SASH1: variants seen among roughly 807,000 people sequenced by gnomAD.
The protein encoded by SASH1 is SAM and SH3 domain containing 1, also known as SAM and SH3 domain-containing protein 1.
A neutral mutation model predicts 125.2 loss-of-function variants in SASH1; 44 were observed. The ratio of observed to expected loss-of-function variants is 0.35; its 90% confidence interval spans 0.28 to 0.45. SASH1 has a LOEUF of 0.45. Among genes scored for constraint, SASH1 ranks in the 20% least tolerant of loss-of-function variants. SASH1 has a pLI of 1.00. For synonymous variants in SASH1, 639 were observed against 649.1 expected, an observed-to-expected ratio of 0.98 and a Z score of 0.24; for missense variants, 1,426 against 1,614.5, an observed-to-expected ratio of 0.88 and a Z score of 2.00.
intron 2 of SASH1, among the ~76,000 whole-genome samples, chr6:148,401,344 G>A (rs1298289010): frequency 6.6e-6 from 1 of 151,952 alleles, no homozygotes; most frequent in Non-Finnish European, 1.5e-5. Context: ...AGCTCATGGG[G>A]TAACTTTGGA....
chr6:148,238,477 G>A, the SASH1 span, among the ~76,000 whole-genome samples: 1 of 152,098 alleles, frequency 6.6e-6, no homozygotes, highest in South Asian at 2.1e-4. Flanking sequence ...ACCTGCCTCA[G>A]CCTCCCAAAG....
chr6:148,456,873 C>CAATAATAATAATAATAATAAT (rs56067798), intron 4 of SASH1, among the ~76,000 whole-genome samples: 4,962 of 142,224 alleles, frequency 0.035, 124 homozygotes, highest in Middle Eastern at 0.072. Flanking sequence ...TGTCTCATAA[C>CAATAATAATAATAATAATAAT]AATAATAATA....
At chr6:148,361,847 G>C (rs1583022888) in intron 1 of SASH1, among the ~76,000 whole-genome samples, 2 of 151,944 alleles carry the variant, frequency 1.3e-5, no homozygotes, top group Admixed American at 6.6e-5. Context: ...CAACAGGAGA[G>C]ACAGAGACAG....
the SASH1 span, among the ~76,000 whole-genome samples, chr6:148,265,291 T>C: frequency 1.0e-3 from 110 of 106,854 alleles, no homozygotes; most frequent in African/African-American, 3.8e-3. Context: ...GCCTAGGTGA[T>C]AAAACAAGAC....
chr6:148,477,474 T>C (rs761841642), intron 7 of SASH1, among the ~76,000 whole-genome samples: 1 of 152,158 alleles, frequency 6.6e-6, no homozygotes, highest in African/African-American at 2.4e-5. Flanking sequence ...CTCAACATTA[T>C]TGGTCATCAG....
intron 4 of SASH1, among the ~76,000 whole-genome samples, chr6:148,442,765 T>C (rs1435936253): frequency 1.3e-5 from 2 of 152,086 alleles, no homozygotes; most frequent in Non-Finnish European, 2.9e-5. Context: ...TTCTTTTCTT[T>C]TCTTTTTTAT....
chr6:148,380,102 G>A (rs1783075683), intron 1 of SASH1, among the ~76,000 whole-genome samples: 1 of 152,190 alleles, frequency 6.6e-6, no homozygotes, highest in African/African-American at 2.4e-5. Flanking sequence ...AGGGTTACCA[G>A]CGTCATGCCT....
intron 2 of SASH1, among the ~76,000 whole-genome samples, chr6:148,401,252 T>C (rs1393399419): frequency 7.1e-6 from 1 of 140,570 alleles, no homozygotes. Context: ...AGACCCTATC[T>C]CAAAAAAAAA....
At chr6:148,512,246 C>T (rs955778885) in intron 8 of SASH1, among the ~76,000 whole-genome samples, 10 of 152,272 alleles carry the variant, frequency 6.6e-5, no homozygotes, top group African/African-American at 2.4e-4. Context: ...TCTCAATCAC[C>T]TGACCTCGTG....
intron 4 of SASH1, among the ~76,000 whole-genome samples, chr6:148,447,725 C>T (rs367997423): frequency 2.1e-5 from 2 of 96,818 alleles, no homozygotes; most frequent in African/African-American, 3.3e-5. Context: ...TCCTCCTCAT[C>T]CTCCTCCTCC....
chr6:148,390,241 G>T lies in SASH1; in HGVS notation c.264G>T (p.Arg88=). 6.2e-7 allele frequency: 1 copy of T among 1,611,938 alleles called. No homozygotes were observed. Residue 88 remains arginine, a synonymous_variant, in exon 2 of 20, where the codon CGG becomes CGT. Transcript: ENST00000367467. The part of the protein sequence containing the change: ...CERMEELRKR[R]VSQDLEVEKP... Reference sequence around the variant, plus strand: ...GGATGGAGGAGCTGCGGAAACGGCGGGTTTCCCAGGACCTGGAAGTGGTGA... The same window carrying T: ...GGATGGAGGAGCTGCGGAAACGGCGTGTTTCCCAGGACCTGGAAGTGGTGA...
At chr6:148,421,217 A>AAAGAAAG (rs1562396981) in intron 2 of SASH1, among the ~76,000 whole-genome samples, 4 of 146,750 alleles carry the variant, frequency 2.7e-5, no homozygotes, top group Non-Finnish European at 4.6e-5. Context: ...AAGAAAGAAA[A>AAAGAAAG]AGAAAGAAAG....
At chr6:148,387,668 CTTTCTTTCTTTCTTTCTTT>C (rs1783518790) in intron 1 of SASH1, among the ~76,000 whole-genome samples, 1 of 72,854 alleles carries the variant, frequency 1.4e-5, no homozygotes, top group Non-Finnish European at 2.5e-5. Flanking sequence ...TTCTTTCTTT[CTTTCTTTCTTTCTTTCTTT>C]CTTTCGGCAT....
At chr6:148,324,619 A>G (rs1780748240) in intron 1 of SASH1, among the ~76,000 whole-genome samples, 1 of 152,216 alleles carries the variant, frequency 6.6e-6, no homozygotes, top group African/African-American at 2.4e-5. Context: ...CTGCAGAAAA[A>G]AGTAGATTCT....
intron 1 of SASH1, among the ~76,000 whole-genome samples, chr6:148,377,921 T>G (rs559723135): frequency 2.0e-5 from 3 of 152,294 alleles, no homozygotes; most frequent in African/African-American, 7.2e-5. Context: ...GTAATTACCA[T>G]TTTACAGATG....
chr6:148,289,031 G>T (rs980228408), intron 1 of SASH1, among the ~76,000 whole-genome samples: 2 of 150,536 alleles, frequency 1.3e-5, no homozygotes, highest in Admixed American at 1.3e-4. Flanking sequence ...TTTCACTCTT[G>T]TTGCCCAGGC....
the SASH1 span, among the ~76,000 whole-genome samples, chr6:148,238,478 C>A: frequency 1.1e-3 from 165 of 152,274 alleles, no homozygotes; most frequent in African/African-American, 3.7e-3. Flanking sequence ...CCTGCCTCAG[C>A]CTCCCAAAGT....
At chr6:148,271,312 A>C (rs1255195692), upstream of SASH1, among the ~76,000 whole-genome samples, 1 of 152,330 alleles carries the variant, frequency 6.6e-6, no homozygotes, top group South Asian at 2.1e-4. Flanking sequence ...TAGGAGAAAT[A>C]CTAACCCTAA....
At chr6:148,203,163 G>T in the SASH1 span, among the ~76,000 whole-genome samples, 1 of 152,206 alleles carries the variant, frequency 6.6e-6, no homozygotes, top group South Asian at 2.1e-4. Context: ...TGCTTCAGAA[G>T]AATCTTTCAC....
Sources: gnomAD v4.1 joint callset for allele counts (sites outside exome capture counted in the v4.1 genomes callset) on GRCh38, gnomAD v4.1.1 for gene constraint, MANE v1.5 for transcripts, NCBI Gene and HGNC (gene_info 2026-07-23, HGNC 2026-07-21) for gene names.